JHY: variants seen among roughly 807,000 people sequenced by gnomAD.
JHY encodes jhy protein homolog.
Under a neutral mutation model 78.0 loss-of-function variants are expected in JHY, and 69 were observed. That is an observed-to-expected ratio of 0.88 (90% CI 0.73 to 1.08). The LOEUF is 1.08. Among genes scored for constraint, JHY ranks in the 50% least tolerant of loss-of-function variants. The pLI is 0.00. For synonymous variants in JHY, 368 were observed against 342.6 expected, an observed-to-expected ratio of 1.07 and a Z score of -0.82; for missense variants, 944 against 927.8, an observed-to-expected ratio of 1.02 and a Z score of -0.23.
At chr11:122,901,583 A>AT (rs397749885) in intron 2 of JHY, among the ~76,000 whole-genome samples, 1 of 151,482 alleles carries the variant, frequency 6.6e-6, no homozygotes, top group Non-Finnish European at 1.5e-5. Flanking sequence ...CTATTAAAAA[A>AT]TTTTTTTTGG....
chr11:122,962,409 G>A lies in JHY; in HGVS notation c.*2964G>A, dbSNP rs1864334453. 6.6e-6 allele frequency among the ~76,000 whole-genome samples: 1 copy of A among 152,184 alleles called. No individual in the cohort carries two copies. The highest frequency in any genetic ancestry group is 1.5e-5 in the Non-Finnish European group (1 of 68,024). On this transcript the variant is annotated 3_prime_UTR_variant, in exon 9 of 9. Coordinates refer to ENST00000227349, the MANE Select transcript of JHY (RefSeq NM_024806.4). ...AAACTGAAAGCAGTTAGAATTGAGA[G>A]TCTGCAAAGATAACAAGTATCTGAA...
intron 3 of JHY, among the ~76,000 whole-genome samples, chr11:122,909,457 T>TGAG (rs1863067778): frequency 1.3e-5 from 2 of 152,268 alleles, no homozygotes; most frequent in South Asian, 4.1e-4. Context: ...ATCTTTAAAA[T>TGAG]GAGGACAGTA....
chr11:122,893,358 G>A (rs1018842426), intron 2 of JHY, among the ~76,000 whole-genome samples: 1 of 152,162 alleles, frequency 6.6e-6, no homozygotes, highest in Non-Finnish European at 1.5e-5. Flanking sequence ...GGGAAGTAAA[G>A]GGTGTGCATG....
rs899284571 is a variant in JHY, at chr11:122,893,297, A to G, written c.344+7104A>G. 8.5e-5 allele frequency among the ~76,000 whole-genome samples: 13 copies of G among 152,206 alleles called. 1 individual carries two copies. Among genetic ancestry groups the G allele is most frequent in the Non-Finnish European group, 1.5e-5 (1 of 68,032 alleles). On this transcript the variant is annotated intron_variant, in intron 2 of 8. Transcript: ENST00000227349. ...AACTATGCTTTAGTTAAACCCCGAC[A>G]CACTCCTCAGAGCAGGCATGGTGCC...
intron 3 of JHY, among the ~76,000 whole-genome samples, chr11:122,908,367 C>G (rs985405851): frequency 1.3e-5 from 2 of 152,210 alleles, no homozygotes; most frequent in South Asian, 4.1e-4. Context: ...AACCACTGAT[C>G]TTTTCCTTCT....
rs558983266 is a variant in JHY, at chr11:122,935,455, G to A, written c.1634+380G>A. On this transcript the variant is annotated intron_variant, in intron 5 of 8. Coordinates refer to ENST00000227349, the MANE Select transcript of JHY (RefSeq NM_024806.4). This position sits in a 1 kb window ranked among gnomAD's most constrained non-coding sequence, Gnocchi z 4.5. ...TCAGCATGTTGGCCAGGCTGGTCTC[G>A]AACTCCTGACCTCAAGTAATCCACC... 4.7e-4 allele frequency among the ~76,000 whole-genome samples: 72 copies of A among 152,128 alleles called. No homozygotes were observed. Among genetic ancestry groups the A allele is most frequent in the African/African-American group, 1.7e-3 (70 of 41,492 alleles).
intron 2 of JHY, among the ~76,000 whole-genome samples, chr11:122,901,990 C>T (rs910872262): frequency 2.6e-4 from 39 of 152,184 alleles, no homozygotes; most frequent in South Asian, 1.2e-3. Flanking sequence ...TCTTCCACGT[C>T]CATACCGTGT....
chr11:122,927,244 C>T (rs1863526728), intron 4 of JHY: 1 of 152,210 alleles, frequency 6.6e-6, no homozygotes, highest in Non-Finnish European at 1.5e-5. Flanking sequence ...TTGACAGAAG[C>T]AGTAAAACTT....
Position 122,936,515 on chromosome 11 carries a change from T to C in JHY, c.1634+1440T>C, listed in dbSNP as rs117603651. Among the ~76,000 whole-genome samples the C allele has an allele frequency of 2.1e-4, 32 of 152,196 alleles. No individual in the cohort carries two copies. In the East Asian group the frequency reaches 6.2e-3, roughly 29 times the overall value. Reference sequence around the variant, plus strand: ...TAGTTTTTGGTAGATAGATAGATGATAGATGGGAAATTTCCTCCTATTCCT... The same window carrying C: ...TAGTTTTTGGTAGATAGATAGATGACAGATGGGAAATTTCCTCCTATTCCT... On this transcript the variant is annotated intron_variant, in intron 5 of 8. Coordinates refer to ENST00000227349, the MANE Select transcript of JHY (RefSeq NM_024806.4).
intron 6 of JHY, among the ~76,000 whole-genome samples, chr11:122,950,599 C>T (rs1864066667): frequency 6.6e-6 from 1 of 152,204 alleles, no homozygotes; most frequent in African/African-American, 2.4e-5. Flanking sequence ...TCTTCATCTA[C>T]ACAATCAGAA....
Position 122,946,582 on chromosome 11 carries a change from A to T in JHY, c.1719A>T (p.Gln573His). The change falls in exon 6 of 9, where the codon CAA (glutamine) becomes CAT (histidine). Residue 573 changes from glutamine to histidine, a missense_variant. Coordinates refer to ENST00000227349, the MANE Select transcript of JHY (RefSeq NM_024806.4). ...CCCAGATAATGGAGCAGCATCAGCA[A>T]GCCTTGGTGCAGCTGACCGACGTGC... Reference protein sequence around the residue: ...WLTQIMEQHQQALVQLTDVQP... With the variant: ...WLTQIMEQHQHALVQLTDVQP... 6.2e-7 allele frequency: 1 copy of T among 1,614,150 alleles called. No individual in the cohort carries two copies. Among genetic ancestry groups the T allele is most frequent in the Non-Finnish European group, 8.5e-7 (1 of 1,180,010 alleles).
At chr11:122,955,785 A>C (rs894579837) in intron 6 of JHY, among the ~76,000 whole-genome samples, 5 of 152,166 alleles carry the variant, frequency 3.3e-5, no homozygotes, top group Non-Finnish European at 7.3e-5. Flanking sequence ...ATCAATAGCA[A>C]AACTTGAAAG....
At chr11:122,932,887 T>G (rs538679506) in intron 4 of JHY, among the ~76,000 whole-genome samples, 6 of 152,296 alleles carry the variant, frequency 3.9e-5, no homozygotes, top group African/African-American at 1.4e-4. Flanking sequence ...TTCCCTTTTT[T>G]GGGAGCACCA....
chr11:122,918,404 C>G (rs1397397145), intron 3 of JHY, among the ~76,000 whole-genome samples: 2 of 151,374 alleles, frequency 1.3e-5, no homozygotes, highest in Non-Finnish European at 2.9e-5. Context: ...GCTGGCAGAA[C>G]TGCTAAGGAT....
At chr11:122,920,033 A>G (rs1042017737) in intron 3 of JHY, among the ~76,000 whole-genome samples, 3 of 152,246 alleles carry the variant, frequency 2.0e-5, no homozygotes, top group Non-Finnish European at 2.9e-5. Flanking sequence ...TTGCAGCCTC[A>G]CAATGGCAGA....
At position 122,903,956 on chromosome 11, in the gene JHY, C is replaced by CTCCG. The variant is rs1565311657; in HGVS notation, c.377_380dup (p.Tyr128ProfsTer3). The CTCCG allele has an allele frequency of 8.7e-6, 14 of 1,606,804 alleles. No individual in the cohort carries two copies. Among genetic ancestry groups the CTCCG allele is most frequent in the Non-Finnish European group, 6.8e-6 (8 of 1,175,178 alleles). On this transcript the variant is annotated frameshift_variant, in exon 3 of 9. Transcript: ENST00000227349. LOFTEE classifies it high-confidence loss of function. Reference sequence around the variant, plus strand: ...ACCAATAGAAGACAAATATTCAGACCTCCGCTATGACCCGAACTGGAAGAG... The same window carrying CTCCG: ...ACCAATAGAAGACAAATATTCAGACCTCCGTCCGCTATGACCCGAACTGGAAGAG...
chr11:122,908,059 C>G (rs1207668132), intron 3 of JHY, among the ~76,000 whole-genome samples: 1 of 152,054 alleles, frequency 6.6e-6, no homozygotes, highest in East Asian at 1.9e-4. Flanking sequence ...TATTGATTCC[C>G]TAGATGAACC....
At position 122,948,486 on chromosome 11, in the gene JHY, T is replaced by A. The variant is rs75634316; in HGVS notation, c.1929+1694T>A. Among the ~76,000 whole-genome samples the A allele has an allele frequency of 4.9e-3, 734 of 149,322 alleles. 6 individuals are homozygous for A. Among genetic ancestry groups the A allele is most frequent in the African/African-American group, 0.018 (711 of 40,164 alleles). ...TAATAATAATAATAATAATGATTTCTACTAGGAACTTGGAAGATGCTGGGA... is the reference window on the plus strand; with the variant it reads ...TAATAATAATAATAATAATGATTTCAACTAGGAACTTGGAAGATGCTGGGA... On this transcript the variant is annotated intron_variant, in intron 6 of 8. Transcript: ENST00000227349.
rs1056698079 is a variant in JHY at position 122,904,261 on chromosome 11, G to C, written c.681G>C (p.Pro227=). 6.2e-7 allele frequency: 1 copy of C among 1,614,142 alleles called. No homozygotes were observed. The highest frequency in any genetic ancestry group is 1.3e-5 in the African/African-American group (1 of 75,030). The change falls in exon 3 of 9, where the codon CCG becomes CCC. Residue 227 remains proline (P), a synonymous_variant. Transcript: ENST00000227349. ...AGGAGAAGTCGAGCAGCCTTTCTCC[G>C]TACGTGAAGAGCTCAAGTTCACATA... ...DLEEKSSSLS[P]YVKSSSSHNE...
Sources: allele counts gnomAD v4.1 joint callset (sites outside exome capture counted in the v4.1 genomes callset), GRCh38; gene constraint gnomAD v4.1.1; non-coding constraint Gnocchi (gnomAD v3.1); transcripts MANE v1.5; gene names NCBI Gene and HGNC (gene_info 2026-07-23, HGNC 2026-07-21).